Variants in DGKI observed in about 807,000 individuals in gnomAD.
DGKI encodes the protein DAG kinase iota.
In DGKI, 55 loss-of-function variants were observed where a neutral mutation model predicts 147.5. The ratio of observed to expected loss-of-function variants is 0.37; its 90% CI spans 0.30 to 0.47. DGKI has a LOEUF of 0.47. DGKI is among the 20% of genes least tolerant of loss of function. DGKI has a pLI of 1.00. For synonymous variants in DGKI, 469 were observed against 477.1 expected, an observed-to-expected ratio of 0.98 and a Z score of 0.22; for missense variants, 1,007 against 1,323.8, an observed-to-expected ratio of 0.76 and a Z score of 3.71.
At chr7:137,527,348 C>A (rs1208912978) in intron 20 of DGKI, among the ~76,000 whole-genome samples, 1 of 152,144 alleles carries the variant, frequency 6.6e-6, no homozygotes, top group Non-Finnish European at 1.5e-5. Flanking sequence ...GCCAGAGTTG[C>A]AGCTCTAATT....
At chr7:137,684,430 G>A (rs1823344979) in intron 2 of DGKI, among the ~76,000 whole-genome samples, 2 of 152,190 alleles carry the variant, frequency 1.3e-5, no homozygotes, top group African/African-American at 4.8e-5. Flanking sequence ...TTTTTAAAGT[G>A]TGGCTACTAG....
chr7:137,773,033 T>A (rs1226832926), intron 1 of DGKI, among the ~76,000 whole-genome samples: 1 of 152,166 alleles, frequency 6.6e-6, no homozygotes, highest in Non-Finnish European at 1.5e-5. Context: ...TGCACTCCCT[T>A]TTTTGCTTAC....
intron 3 of DGKI, among the ~76,000 whole-genome samples, chr7:137,675,658 C>G (rs1823008035): frequency 6.8e-6 from 1 of 146,566 alleles, no homozygotes; most frequent in African/African-American, 2.6e-5. Flanking sequence ...GCACTCCAGC[C>G]TGGGCAGCCG....
At chr7:137,653,118 GTA>G (rs1491034125) in intron 5 of DGKI, among the ~76,000 whole-genome samples, 3 of 152,192 alleles carry the variant, frequency 2.0e-5, no homozygotes, top group Non-Finnish European at 4.4e-5. Flanking sequence ...GTGTGTGTGT[GTA>G]TGTGTGTTTG....
intron 28 of DGKI, among the ~76,000 whole-genome samples, chr7:137,421,782 T>A (rs1393149440): frequency 3.9e-5 from 6 of 152,238 alleles, no homozygotes; most frequent in Admixed American, 3.9e-4. Flanking sequence ...CACTGAAATC[T>A]CTATGGGACA....
rs1230829595 is a variant in DGKI, at chr7:137,765,098, G to A, written c.402-75096C>T. 4.6e-5 allele frequency among the ~76,000 whole-genome samples: 7 copies of A among 152,144 alleles called. No homozygotes were observed. In the South Asian group the frequency reaches 6.2e-4, roughly 14 times the overall value. On this transcript the variant is annotated intron_variant, in intron 1 of 32. Transcript: ENST00000614521. ...GCCCTTCTCTGGGCAAACATGAGGCGCCAGGTGCAGTCCAACCATTGAAGA... is the reference window on the plus strand; with the variant it reads ...GCCCTTCTCTGGGCAAACATGAGGCACCAGGTGCAGTCCAACCATTGAAGA...
intron 20 of DGKI, among the ~76,000 whole-genome samples, chr7:137,523,696 G>A (rs769536749): frequency 2.6e-5 from 4 of 152,134 alleles, no homozygotes; most frequent in Non-Finnish European, 2.9e-5. Context: ...TATTACCATA[G>A]TGCTGGACAT....
intron 10 of DGKI, among the ~76,000 whole-genome samples, chr7:137,604,643 A>G (rs906988181): frequency 6.6e-6 from 1 of 152,198 alleles, no homozygotes; most frequent in African/African-American, 2.4e-5. Flanking sequence ...CACATCGAAC[A>G]GTGTGCAAAG....
chr7:137,588,474 G>GTTTTTTTTTT (rs1563099937), intron 12 of DGKI, among the ~76,000 whole-genome samples: 23 of 129,198 alleles, frequency 1.8e-4, no homozygotes, highest in South Asian at 1.3e-3. Context: ...ACATACCGAT[G>GTTTTTTTTTT]CTTTTTTTTT....
chr7:137,665,449 C>A (rs1488512483), intron 3 of DGKI, among the ~76,000 whole-genome samples: 1 of 152,226 alleles, frequency 6.6e-6, no homozygotes, highest in African/African-American at 2.4e-5. Context: ...GCTGGGCTGA[C>A]AGCATACCTG....
chr7:137,778,217 C>T (rs931297619), intron 1 of DGKI, among the ~76,000 whole-genome samples: 9 of 152,046 alleles, frequency 5.9e-5, no homozygotes, highest in Non-Finnish European at 1.0e-4. Context: ...GGAGTTAGCC[C>T]GGCTACAAAG....
intron 28 of DGKI, among the ~76,000 whole-genome samples, chr7:137,428,753 C>T (rs1812928714): frequency 6.6e-6 from 1 of 152,172 alleles, no homozygotes; most frequent in East Asian, 1.9e-4. Context: ...TCTTATACAC[C>T]AATGACAGAC....
At chr7:137,799,408 A>G (rs1432125464) in intron 1 of DGKI, among the ~76,000 whole-genome samples, 1 of 152,220 alleles carries the variant, frequency 6.6e-6, no homozygotes, top group Non-Finnish European at 1.5e-5. Flanking sequence ...TGATTAAAAG[A>G]TTGCCAAGAA....
intron 28 of DGKI, among the ~76,000 whole-genome samples, chr7:137,425,586 C>T (rs10262963): frequency 0.35 from 52,780 of 151,860 alleles, 9,966 homozygotes; most frequent in East Asian, 0.65. Context: ...AGGCTTCAGA[C>T]GATCAAATTA....
intron 19 of DGKI, among the ~76,000 whole-genome samples, chr7:137,567,035 C>T (rs539950318): frequency 2.5e-5 from 3 of 118,770 alleles, no homozygotes; most frequent in South Asian, 2.9e-4. Context: ...GAGGCCGAGG[C>T]GGGTGGATCA....
Position 137,383,048 on chromosome 7 carries a change from G to A in DGKI, c.*8172C>T, listed in dbSNP as rs1811095574. 6.6e-6 allele frequency: 1 copy of A among 151,896 alleles called. No individual in the cohort carries two copies. The highest frequency in any genetic ancestry group is 6.6e-5 in the Admixed American group (1 of 15,228). The allele number at this position is 151,896 out of a possible 1,614,324, so 9.4% of individuals were successfully genotyped here. A position where few individuals can be genotyped will look rare whatever the true frequency, so the allele number is the denominator to read the frequency against. The stretch of plus-strand genomic sequence containing the variant: ...TGCCTCTGTATTGGCAGAGGATATA[G>A]AATTTCCCACCCTCTTCTCCAGTCC... On this transcript the variant is annotated 3_prime_UTR_variant, in exon 33 of 33. Transcript: ENST00000614521.
At chr7:137,568,592 T>C (rs1052398225) in intron 19 of DGKI, among the ~76,000 whole-genome samples, 3 of 152,200 alleles carry the variant, frequency 2.0e-5, no homozygotes, top group African/African-American at 2.4e-5. Flanking sequence ...GGGCAGTCGC[T>C]GTATTTATGT....
chr7:137,613,858 A>G (rs749152006), intron 8 of DGKI, among the ~76,000 whole-genome samples: 2 of 152,232 alleles, frequency 1.3e-5, no homozygotes, highest in Middle Eastern at 6.8e-3. Context: ...TATGTGAAGA[A>G]TTATTTATTA....
chr7:137,455,918 T>C (rs1430561618), intron 27 of DGKI, among the ~76,000 whole-genome samples: 1 of 152,222 alleles, frequency 6.6e-6, no homozygotes, highest in Non-Finnish European at 1.5e-5. Flanking sequence ...GCGAATTTTT[T>C]TGAAAATATT....
Sources: allele counts gnomAD v4.1 joint callset (sites outside exome capture counted in the v4.1 genomes callset), GRCh38; gene constraint gnomAD v4.1.1; transcripts MANE v1.5; gene names NCBI Gene and HGNC (gene_info 2026-07-23, HGNC 2026-07-21).